Variants in NUDT12 observed in about 807,000 individuals in gnomAD.
The protein encoded by NUDT12 is NAD-capped RNA hydrolase NUDT12.
A neutral mutation model predicts 45.7 loss-of-function variants in NUDT12; 42 were observed. The ratio of observed to expected loss-of-function variants is 0.92; its 90% confidence interval spans 0.72 to 1.19. The LOEUF is 1.19. Among genes scored for constraint, NUDT12 ranks in the 50% most tolerant of loss-of-function variants. NUDT12 has a pLI of 0.00. For synonymous variants in NUDT12, 206 were observed against 179.7 expected, an observed-to-expected ratio of 1.15 and a Z score of -1.17; for missense variants, 590 against 533.1, an observed-to-expected ratio of 1.11 and a Z score of -1.05.
chr5:103,554,615 T>A (rs532092653), intron 5 of NUDT12, 125 bp downstream of exon 5: 8 of 385,334 alleles, frequency 2.1e-5, no homozygotes, highest in African/African-American at 1.7e-4. Context: ...GTATCATTTT[T>A]AAAATACCTT....
chr5:103,557,177 CTG>C (rs1469036182), intron 3 of NUDT12, among the ~76,000 whole-genome samples: 1 of 150,018 alleles, frequency 6.7e-6, no homozygotes, highest in Middle Eastern at 3.3e-3. Context: ...AGTTAAGTAA[CTG>C]TGTAAACTTA....
Position 103,558,965 on chromosome 5 carries a change from G to T in NUDT12, c.710C>A (p.Ala237Asp). The change falls in exon 3 of 7, where the codon GCT (alanine) becomes GAT (aspartate). Residue 237 changes from alanine (A) to aspartate (D), a missense_variant. Transcript: ENST00000230792. ...TTCATGTCTTTGCTTGAATTCTTCA[G>T]CAGCAATAGGATCTATACCTAGAGC... ...WFALGIDPIA[A>D]EEFKQRHENC... 1 of 1,612,608 alleles carries T rather than the reference G, an allele frequency of 6.2e-7. No homozygotes were observed. The highest frequency in any genetic ancestry group is 1.1e-5 in the South Asian group (1 of 90,828).
Position 103,559,455 on chromosome 5 carries a change from T to C in NUDT12, c.220A>G (p.Ile74Val), listed in dbSNP as rs775720403. 40 of 1,521,586 alleles carry C rather than the reference T, an allele frequency of 2.6e-5. No homozygotes were observed. The highest frequency in any genetic ancestry group is 4.8e-5 in the East Asian group (2 of 41,878). 94.3% of individuals were successfully genotyped at this position (1,521,586 alleles called of 1,614,324 possible). Residue 74 changes from isoleucine (I) to valine (V), a missense_variant, in exon 3 of 7, where the codon ATT becomes GTT. By Grantham distance (29) the Ile-to-Val change is conservative. Coordinates refer to ENST00000230792, the MANE Select transcript of NUDT12 (RefSeq NM_031438.4). Reference sequence around the variant, plus strand: ...GCAGTCTGCCTTGATTTATTGACAATTGATCTGTCACACCTATAGATGGAA... The same window carrying C: ...GCAGTCTGCCTTGATTTATTGACAACTGATCTGTCACACCTATAGATGGAA... The part of the protein sequence containing the change: ...FLLEKGCDRS[I>V]VNKSRQTALD...
At chr5:103,561,320 A>G (rs1442446069) in intron 1 of NUDT12, among the ~76,000 whole-genome samples, 1 of 151,846 alleles carries the variant, frequency 6.6e-6, no homozygotes, top group Non-Finnish European at 1.5e-5. Flanking sequence ...GATGAATTGC[A>G]TAGCAGGAAT....
At chr5:103,560,835 T>C (rs752731144) in intron 1 of NUDT12, among the ~76,000 whole-genome samples, 10 of 152,230 alleles carry the variant, frequency 6.6e-5, no homozygotes, top group Admixed American at 1.3e-4. Context: ...GAGACAAATA[T>C]TGTCACAAAT....
rs1314618304 is a variant in NUDT12, at chr5:103,549,590, A to AGG, written c.*1269_*1270dup. Reference sequence around the variant, plus strand: ...ATTAGTTATGTAACTTTCACTAATTAGGTAAATTCACCTTTCACAATTTCT... The same window carrying AGG: ...ATTAGTTATGTAACTTTCACTAATTAGGGGTAAATTCACCTTTCACAATTTCT... On this transcript the variant is annotated 3_prime_UTR_variant, in exon 7 of 7. Transcript: ENST00000230792. 2.5e-4 allele frequency: 38 copies of AGG among 151,994 alleles called. No homozygotes were observed. Among genetic ancestry groups the AGG allele is most frequent in the Non-Finnish European group, 2.1e-4 (14 of 67,926 alleles). The allele number at this position is 151,994 out of a possible 1,614,324, so 9.4% of individuals were successfully genotyped here.
In NUDT12 at chr5:103,558,908, G is replaced by A. The variant is rs761226452; in HGVS notation, c.767C>T (p.Ala256Val). 2 of 1,581,508 alleles carry A rather than the reference G, an allele frequency of 1.3e-6. No homozygotes were observed. Among genetic ancestry groups the A allele is most frequent in the South Asian group, 2.3e-5 (2 of 85,196 alleles). Residue 256 changes from alanine (A) to valine (V), a missense_variant, in exon 3 of 7, where the codon GCC becomes GTC. Physicochemically the swap from Ala to Val is moderately conservative, Grantham distance 64. Transcript: ENST00000230792. Reference protein sequence around the residue: ...NCYFLHPPMPALLQLKEKEAG... With the variant: ...NCYFLHPPMPVLLQLKEKEAG... ...TTCTTTTTCTTTCAATTGCAGAAGG[G>A]CTGGCATAGGAGGATGAAGAAAGTA...
chr5:103,559,796 T>A, intron 2 of NUDT12: 1 of 521,516 alleles, frequency 1.9e-6, no homozygotes, highest in Non-Finnish European at 3.4e-6. Context: ...GCATTTTCTA[T>A]TTGGGAGGAA....
chr5:103,550,846 G>T lies in NUDT12; in HGVS notation c.*15C>A, dbSNP rs1357222940. ...TAGAAATTATTAAATAATACTCAAA[G>T]CTTAGTTCTTAGATTTAGAGATTAG... On this transcript the variant is annotated 3_prime_UTR_variant, in exon 7 of 7. Transcript: ENST00000230792. 3.9e-6 allele frequency: 6 copies of T among 1,519,230 alleles called. No individual in the cohort carries two copies. Among genetic ancestry groups the T allele is most frequent in the African/African-American group, 2.7e-5 (2 of 73,046 alleles). 94.1% of individuals were successfully genotyped at this position (1,519,230 alleles called of 1,614,324 possible).
At chr5:103,555,427 AT>A (rs1748783325) in intron 4 of NUDT12, among the ~76,000 whole-genome samples, 1 of 152,064 alleles carries the variant, frequency 6.6e-6, no homozygotes, top group African/African-American at 2.4e-5. Context: ...TCACTAAGCC[AT>A]GTATTTTTCT....
chr5:103,551,013 G>A, intron 6 of NUDT12, 42 bp from the exon 7 acceptor site: 1 of 1,370,688 alleles, frequency 7.3e-7, no homozygotes, highest in South Asian at 1.2e-5. Context: ...TTTCAAAGCT[G>A]TCATATTTAA....
At position 103,550,921 on chromosome 5, in the gene NUDT12, T is replaced by A. The variant is rs1371855057; in HGVS notation, c.1329A>T (p.Pro443=). The change falls in exon 7 of 7, where the codon CCA becomes CCT. Residue 443 remains proline (P), a synonymous_variant. Transcript: ENST00000230792. ...TTAATTGATGTGCAATAGCTCGGCTTGGTGGCACAAAGAATGCCTGCTGCT... is the reference window on the plus strand; with the variant it reads ...TTAATTGATGTGCAATAGCTCGGCTAGGTGGCACAAAGAATGCCTGCTGCT... ...KGKQQAFFVP[P]SRAIAHQLIK... The A allele has an allele frequency of 1.2e-6, 2 of 1,613,822 alleles. No homozygotes were observed. The highest frequency in any genetic ancestry group is 1.7e-6 in the Non-Finnish European group (2 of 1,179,848).
chr5:103,559,540 C>G lies in NUDT12; in HGVS notation c.207-72G>C, dbSNP rs7725090. On this transcript the variant is annotated intron_variant, in intron 2 of 6. Transcript: ENST00000230792. The stretch of plus-strand genomic sequence containing the variant: ...AAACACTTTCTCCGTATTTATTTCA[C>G]TAAAATATTTCCAGATACATATTAA... 1.0e-5 allele frequency: 8 copies of G among 767,548 alleles called. No individual in the cohort carries two copies. In the East Asian group the frequency reaches 2.4e-4, roughly 23 times the overall value. 47.5% of individuals were successfully genotyped at this position (767,548 alleles called of 1,614,324 possible).
chr5:103,560,023 G>C lies in NUDT12; in HGVS notation c.206+20C>G. 6.4e-7 allele frequency: 1 copy of C among 1,557,358 alleles called. No individual in the cohort carries two copies. Among genetic ancestry groups the C allele is most frequent in the Non-Finnish European group, 8.9e-7 (1 of 1,128,496 alleles). On this transcript the variant is annotated intron_variant, in intron 2 of 6. Transcript: ENST00000230792. ...ATTAAACCACAAACCCTTTCAGGTG[G>C]TACAGCCTAAAATGTTTACCCTTTC...
intron 1 of NUDT12, among the ~76,000 whole-genome samples, chr5:103,561,380 T>C (rs957802107): frequency 6.6e-6 from 1 of 152,186 alleles, no homozygotes; most frequent in African/African-American, 2.4e-5. Context: ...AATTGTCTCA[T>C]TTTGGAGCTG....
chr5:103,550,822 A>G lies in NUDT12; in HGVS notation c.*39T>C, dbSNP rs1748631099. The G allele has an allele frequency of 2.2e-6, 3 of 1,379,096 alleles. No individual in the cohort carries two copies. The highest frequency in any genetic ancestry group is 3.1e-6 in the Non-Finnish European group (3 of 967,452). 85.4% of individuals were successfully genotyped at this position (1,379,096 alleles called of 1,614,324 possible). ...TATCACTTGAGGAATGAGTGTTATT[A>G]GAAATTATTAAATAATACTCAAAGC... On this transcript the variant is annotated 3_prime_UTR_variant, in exon 7 of 7. Transcript: ENST00000230792.
rs1037324532 is a variant in NUDT12, at chr5:103,557,291, A to G, written c.797-1193T>C. Among the ~76,000 whole-genome samples the G allele has an allele frequency of 6.2e-5, 9 of 144,982 alleles. No individual in the cohort carries two copies. The South Asian group carries it at 6.7e-4, about 11-fold the overall frequency. On this transcript the variant is annotated intron_variant, in intron 3 of 6. Transcript: ENST00000230792. Reference sequence around the variant, plus strand: ...TTTGATCTTAAAATGATATATATATATATATATATATATGTCTAAAGAAAA... The same window carrying G: ...TTTGATCTTAAAATGATATATATATGTATATATATATATGTCTAAAGAAAA...
In NUDT12 at chr5:103,552,226, A is replaced by G; in HGVS notation, c.1269T>C (p.Thr423=). The change falls in exon 6 of 7, where the codon ACT becomes ACC. Residue 423 remains threonine (T), a synonymous_variant. Coordinates refer to ENST00000230792, the MANE Select transcript of NUDT12 (RefSeq NM_031438.4). ...TTAAATTGAACTTTACCTGTTCTCTAGTGAACCAGCGGGCATCCTCTATTT... is the reference window on the plus strand; with the variant it reads ...TTAAATTGAACTTTACCTGTTCTCTGGTGAACCAGCGGGCATCCTCTATTT... ...KNEIEDARWF[T]REQVLDVLTK... is the part of the protein sequence containing the mutation. 6.2e-7 allele frequency: 1 copy of G among 1,612,480 alleles called. No homozygotes were observed.
chr5:103,552,119 A>G, intron 6 of NUDT12, 98 bp downstream of exon 6: 1 of 876,334 alleles, frequency 1.1e-6, no homozygotes, highest in Non-Finnish European at 1.9e-6. Flanking sequence ...GGCCAAAGGC[A>G]TCATTCAACT....
Sources: gnomAD v4.1 joint callset for allele counts (sites outside exome capture counted in the v4.1 genomes callset) on GRCh38, gnomAD v4.1.1 for gene constraint, MANE v1.5 for transcripts, NCBI Gene and HGNC (gene_info 2026-07-23, HGNC 2026-07-21) for gene names.